Variants in GPC5 observed in about 807,000 individuals in gnomAD.
The protein encoded by GPC5 is glypican-5.
In GPC5, 47 loss-of-function variants were observed where a neutral mutation model predicts 53.9. That is an observed-to-expected ratio of 0.87 (90% confidence interval 0.69 to 1.11). GPC5 has a LOEUF of 1.11. Among genes scored for constraint, GPC5 ranks in the 50% most tolerant of loss-of-function variants. The pLI is 0.00. For missense variants in GPC5, 748 were observed against 713.1 expected (o/e 1.05, Z -0.56); for synonymous variants, 286 against 263.3 (o/e 1.09, Z -0.84).
intron 5 of GPC5, among the ~76,000 whole-genome samples, chr13:91,865,850 A>G (rs1182731606): frequency 6.6e-6 from 1 of 151,564 alleles, no homozygotes; most frequent in Non-Finnish European, 1.5e-5. Context: ...CATCAATTTG[A>G]CTGCCCTCAT....
rs1303696372 is a variant in GPC5, at chr13:92,089,206, G to A, written c.1402-55624G>A. Among the ~76,000 whole-genome samples the A allele has an allele frequency of 5.3e-5, 8 of 152,152 alleles. No individual in the cohort carries two copies. In the South Asian group the frequency reaches 8.3e-4, roughly 16 times the overall value. ...TCCCAGCACTTTGGGAGGCCGAGGC[G>A]GGCCGATCACGAGGTCAGGAGATGG... On this transcript the variant is annotated intron_variant, in intron 6 of 7. Coordinates refer to ENST00000377067, the MANE Select transcript of GPC5 (RefSeq NM_004466.6).
intron 6 of GPC5, among the ~76,000 whole-genome samples, chr13:92,023,278 G>A (rs916411024): frequency 7.2e-5 from 11 of 152,012 alleles, no homozygotes; most frequent in Middle Eastern, 6.8e-3. Flanking sequence ...ATTGGAAGAC[G>A]TCATAAATCA....
intron 5 of GPC5, among the ~76,000 whole-genome samples, chr13:91,826,235 G>T (rs1211112922): frequency 6.6e-6 from 1 of 152,000 alleles, no homozygotes; most frequent in Non-Finnish European, 1.5e-5. Flanking sequence ...CTTTAAAGCA[G>T]TCATATTAAA....
chr13:92,563,096 T>C (rs1245237113), intron 7 of GPC5, among the ~76,000 whole-genome samples: 1 of 152,000 alleles, frequency 6.6e-6, no homozygotes, highest in Admixed American at 6.6e-5. Flanking sequence ...TCTATAGCAG[T>C]CTTAAATTCC....
At chr13:92,278,521 TG>T (rs1420712638) in intron 7 of GPC5, among the ~76,000 whole-genome samples, 1 of 152,084 alleles carries the variant, frequency 6.6e-6, no homozygotes, top group Non-Finnish European at 1.5e-5. Flanking sequence ...TAATTTGGGA[TG>T]GGCAATGTAC....
chr13:91,979,740 A>G (rs1252731244), intron 6 of GPC5, among the ~76,000 whole-genome samples: 2 of 152,336 alleles, frequency 1.3e-5, no homozygotes, highest in Non-Finnish European at 2.9e-5. Flanking sequence ...TTCAGTTTCT[A>G]TGTCACATAT....
At chr13:91,687,604 A>T (rs532753817) in intron 2 of GPC5, among the ~76,000 whole-genome samples, 1 of 152,128 alleles carries the variant, frequency 6.6e-6, no homozygotes, top group Admixed American at 6.5e-5. Context: ...CAGTAATTAG[A>T]TTGCACTTGC....
intron 2 of GPC5, among the ~76,000 whole-genome samples, chr13:91,510,983 G>T (rs998671450): frequency 6.6e-6 from 1 of 151,230 alleles, no homozygotes; most frequent in Non-Finnish European, 1.5e-5. Context: ...ATACTGTACT[G>T]CTTTTACACA....
At chr13:91,900,357 G>A (rs1045414843) in intron 5 of GPC5, among the ~76,000 whole-genome samples, 1 of 152,102 alleles carries the variant, frequency 6.6e-6, no homozygotes, top group African/African-American at 2.4e-5. Flanking sequence ...ACAGTGAAGT[G>A]AGACAGCAAA....
chr13:92,139,570 G>C (rs9589441), intron 6 of GPC5, among the ~76,000 whole-genome samples: 1 of 150,402 alleles, frequency 6.6e-6, no homozygotes, highest in African/African-American at 2.5e-5. Context: ...GGGAGGCTTA[G>C]GCAGGACAAT....
At chr13:92,490,961 C>T (rs1566613845) in intron 7 of GPC5, among the ~76,000 whole-genome samples, 2 of 152,014 alleles carry the variant, frequency 1.3e-5, no homozygotes, top group Non-Finnish European at 2.9e-5. Flanking sequence ...CCATCACATG[C>T]AGGGGGTACA....
intron 7 of GPC5, among the ~76,000 whole-genome samples, chr13:92,534,857 C>T (rs1881673016): frequency 6.6e-6 from 1 of 151,854 alleles, no homozygotes; most frequent in Non-Finnish European, 1.5e-5. Context: ...GAAATAATAG[C>T]TAGAGGAGGA....
At chr13:92,383,259 G>T (rs1323205542) in intron 7 of GPC5, among the ~76,000 whole-genome samples, 1 of 152,060 alleles carries the variant, frequency 6.6e-6, no homozygotes, top group Non-Finnish European at 1.5e-5. Context: ...AATTACCATG[G>T]TGTGTAACAG....
intron 1 of GPC5, among the ~76,000 whole-genome samples, chr13:91,430,202 G>A (rs142697406): frequency 6.6e-6 from 1 of 152,186 alleles, no homozygotes; most frequent in Non-Finnish European, 1.5e-5. Context: ...AGAGGATGGT[G>A]GGAACAGGAG....
At chr13:91,722,557 G>A (rs2036496460) in intron 3 of GPC5, among the ~76,000 whole-genome samples, 1 of 152,056 alleles carries the variant, frequency 6.6e-6, no homozygotes. Context: ...TTCACAGTGG[G>A]GCCAATAGGA....
At chr13:92,488,932 C>T (rs933513023) in intron 7 of GPC5, among the ~76,000 whole-genome samples, 2 of 152,034 alleles carry the variant, frequency 1.3e-5, no homozygotes, top group Non-Finnish European at 2.9e-5. Context: ...TTAGAAAGGG[C>T]TTTTTTAACA....
chr13:92,043,731 A>T lies in GPC5; in HGVS notation c.1402-101099A>T, dbSNP rs2040959611. 2.0e-5 allele frequency among the ~76,000 whole-genome samples: 3 copies of T among 152,306 alleles called. No homozygotes were observed. In the South Asian group the frequency reaches 6.2e-4, roughly 32 times the overall value. Reference sequence around the variant, plus strand: ...GAACGGAATAATTTAGGGAGCTAAGAATATCGGGTGTTGGAAAAATCATGT... The same window carrying T: ...GAACGGAATAATTTAGGGAGCTAAGTATATCGGGTGTTGGAAAAATCATGT... On this transcript the variant is annotated intron_variant, in intron 6 of 7. Transcript: ENST00000377067.
intron 6 of GPC5, among the ~76,000 whole-genome samples, chr13:92,046,292 C>G (rs1222038068): frequency 1.3e-5 from 2 of 152,094 alleles, no homozygotes; most frequent in Non-Finnish European, 2.9e-5. Flanking sequence ...TTTCATCAAT[C>G]TATTACAAGT....
At chr13:92,213,592 T>C (rs1259731403) in intron 7 of GPC5, among the ~76,000 whole-genome samples, 1 of 152,172 alleles carries the variant, frequency 6.6e-6, no homozygotes, top group Non-Finnish European at 1.5e-5. Flanking sequence ...TAAACTAACA[T>C]TTATAAAGCA....
Sources: allele counts gnomAD v4.1 joint callset (sites outside exome capture counted in the v4.1 genomes callset), GRCh38; gene constraint gnomAD v4.1.1; transcripts MANE v1.5; gene names NCBI Gene and HGNC (gene_info 2026-07-23, HGNC 2026-07-21).